NELL1: variants seen among roughly 807,000 people sequenced by gnomAD.
NELL1 encodes the protein neural EGFL like 1, also known as protein kinase C-binding protein NELL1.
In NELL1, 76 loss-of-function variants were observed where a neutral mutation model predicts 107.4. The observed-to-expected ratio is 0.71, with a 90% CI of 0.59 to 0.86. The LOEUF (loss-of-function observed/expected upper bound fraction) is 0.86, where lower values mean the gene tolerates loss of function less well. NELL1 is among the 40% of genes least tolerant of loss of function. The pLI is 0.00. For missense variants in NELL1, 1,024 were observed against 1,005.5 expected, an observed-to-expected ratio of 1.02 and a Z score of -0.25; for synonymous variants, 353 against 341.2, an observed-to-expected ratio of 1.03 and a Z score of -0.38.
At chr11:20,857,408 C>G (rs1337374476) in intron 4 of NELL1, among the ~76,000 whole-genome samples, 1 of 152,168 alleles carries the variant, frequency 6.6e-6, no homozygotes, top group African/African-American at 2.4e-5. Context: ...TTTGGCATAG[C>G]TGGCAGGAGA....
chr11:21,319,053 G>A (rs1032496882), intron 14 of NELL1, among the ~76,000 whole-genome samples: 2 of 151,904 alleles, frequency 1.3e-5, no homozygotes, highest in Non-Finnish European at 2.9e-5. Context: ...TTACTTATAT[G>A]CATGTAAATA....
chr11:21,121,584 A>G (rs988634861), intron 13 of NELL1, among the ~76,000 whole-genome samples: 4 of 152,136 alleles, frequency 2.6e-5, no homozygotes, highest in African/African-American at 9.7e-5. Context: ...TAGAGCCATG[A>G]TAGAGCCTGA....
At chr11:20,739,326 G>A (rs1434432156) in intron 2 of NELL1, among the ~76,000 whole-genome samples, 2 of 152,234 alleles carry the variant, frequency 1.3e-5, no homozygotes, top group Non-Finnish European at 2.9e-5. Context: ...AACCGTCAAT[G>A]TTACTATGTT....
intron 15 of NELL1, among the ~76,000 whole-genome samples, chr11:21,434,641 T>C (rs1347571296): frequency 3.3e-5 from 5 of 152,192 alleles, no homozygotes; most frequent in Non-Finnish European, 7.4e-5. Flanking sequence ...TCCAACTTTG[T>C]TCTTTTTGCT....
At position 21,069,302 on chromosome 11, in the gene NELL1, AAAAG is replaced by A. The variant is rs202024329; in HGVS notation, c.1301-44279_1301-44276del. Among the ~76,000 whole-genome samples the A allele has an allele frequency of 5.9e-3, 895 of 152,318 alleles. 7 individuals are homozygous for A. Among genetic ancestry groups the A allele is most frequent in the African/African-American group, 0.02 (837 of 41,570 alleles). On this transcript the variant is annotated intron_variant, in intron 12 of 19. Coordinates refer to ENST00000357134, the MANE Select transcript of NELL1 (RefSeq NM_006157.5). ...TTAACATAAAAGTTAGAAAAAATAA[AAAAG>A]AAAGAAAACAGACATGTTTGTTCTT...
chr11:21,561,656 CT>C (rs1442569966), intron 17 of NELL1, among the ~76,000 whole-genome samples: 1 of 152,006 alleles, frequency 6.6e-6, no homozygotes, highest in East Asian at 1.9e-4. Flanking sequence ...TCTTGTAACA[CT>C]CTACGATGAT....
At chr11:20,943,804 G>GA (rs1850907484) in intron 10 of NELL1, among the ~76,000 whole-genome samples, 1 of 152,122 alleles carries the variant, frequency 6.6e-6, no homozygotes, top group Admixed American at 6.5e-5. Flanking sequence ...GACTGACTTG[G>GA]AAATAATTCT....
chr11:20,848,184 CT>C (rs1337425586), intron 4 of NELL1, among the ~76,000 whole-genome samples: 1 of 152,208 alleles, frequency 6.6e-6, no homozygotes, highest in Non-Finnish European at 1.5e-5. Flanking sequence ...TTCTATTTCA[CT>C]TCATCAAGCT....
intron 4 of NELL1, among the ~76,000 whole-genome samples, chr11:20,866,898 G>T (rs1021814199): frequency 1.3e-5 from 2 of 152,186 alleles, no homozygotes; most frequent in Admixed American, 6.5e-5. Context: ...TGAGTTCCAA[G>T]CACTTGGCTA....
intron 3 of NELL1, among the ~76,000 whole-genome samples, chr11:20,845,601 G>T (rs1848689196): frequency 6.6e-6 from 1 of 152,104 alleles, no homozygotes; most frequent in Admixed American, 6.6e-5. Flanking sequence ...GGTGCTAAAT[G>T]GTCTTGGGCA....
At chr11:20,923,855 T>G (rs1378020907) in intron 7 of NELL1, among the ~76,000 whole-genome samples, 1 of 152,186 alleles carries the variant, frequency 6.6e-6, no homozygotes, top group African/African-American at 2.4e-5. Flanking sequence ...AGAAGCTTCT[T>G]TTTTCCTTTC....
chr11:21,033,129 A>G (rs1853003325), intron 12 of NELL1, among the ~76,000 whole-genome samples: 1 of 152,046 alleles, frequency 6.6e-6, no homozygotes, highest in African/African-American at 2.4e-5. Context: ...TACCCTGATT[A>G]CCTGGATGAT....
chr11:20,736,997 C>T (rs147949260), intron 2 of NELL1, among the ~76,000 whole-genome samples: 2,021 of 152,226 alleles, frequency 0.013, 38 homozygotes, highest in African/African-American at 0.046. Flanking sequence ...TCATGATCTG[C>T]CTGCCTCGGC....
intron 2 of NELL1, among the ~76,000 whole-genome samples, chr11:20,724,360 C>T (rs1855461434): frequency 6.6e-6 from 1 of 152,210 alleles, no homozygotes; most frequent in Non-Finnish European, 1.5e-5. Context: ...AGCCTAAGTT[C>T]CAATTTCAGA....
chr11:20,675,583 T>A (rs1257968273), intron 1 of NELL1, among the ~76,000 whole-genome samples: 1 of 152,100 alleles, frequency 6.6e-6, no homozygotes, highest in East Asian at 1.9e-4. Flanking sequence ...CCAGACCACA[T>A]TCCAAATTCC....
At chr11:20,706,419 CA>C (rs1340611899) in intron 2 of NELL1, among the ~76,000 whole-genome samples, 1 of 147,264 alleles carries the variant, frequency 6.8e-6, no homozygotes, top group Admixed American at 7.0e-5. Flanking sequence ...ATCACAAGGA[CA>C]AAAAACCAAA....
At position 21,071,255 on chromosome 11, in the gene NELL1, T is replaced by G. The variant is rs554569391; in HGVS notation, c.1301-42334T>G. On this transcript the variant is annotated intron_variant, in intron 12 of 19. Coordinates refer to ENST00000357134, the MANE Select transcript of NELL1 (RefSeq NM_006157.5). The stretch of plus-strand genomic sequence containing the variant: ...ATTAATAAGCCAGAATTGCATACTC[T>G]CTTTGGAGAAGGGATCACCTCTGGT... Among the ~76,000 whole-genome samples, 28 of 152,306 alleles carry G rather than the reference T, an allele frequency of 1.8e-4. No individual in the cohort carries two copies. In the South Asian group the frequency reaches 5.8e-3, roughly 32 times the overall value.
At chr11:20,730,781 A>T (rs1293467967) in intron 2 of NELL1, among the ~76,000 whole-genome samples, 1 of 152,202 alleles carries the variant, frequency 6.6e-6, no homozygotes. Context: ...GGATACCTGA[A>T]TGTGTAAGAC....
chr11:20,824,601 A>G (rs1223224943), intron 3 of NELL1, among the ~76,000 whole-genome samples: 3 of 151,280 alleles, frequency 2.0e-5, no homozygotes, highest in African/African-American at 4.8e-5. Context: ...TGATAGTAAT[A>G]TGGACAATGA....
Sources: allele counts gnomAD v4.1 joint callset (sites outside exome capture counted in the v4.1 genomes callset), GRCh38; gene constraint gnomAD v4.1.1; transcripts MANE v1.5; gene names NCBI Gene and HGNC (gene_info 2026-07-23, HGNC 2026-07-21).